The following BCL6 variants were observed in gnomAD, a reference collection of about 807,000 sequenced individuals.
The protein encoded by BCL6 is BCL6 transcription repressor, also known as B-cell lymphoma 6 protein.
BCL6 carries 7 observed loss-of-function variants against 59.5 expected under a neutral mutation model. The observed-to-expected ratio is 0.12, with a 90% confidence interval of 0.07 to 0.22. BCL6 has a LOEUF of 0.22. BCL6 is among the 10% of genes least tolerant of loss of function. The probability of loss-of-function intolerance (pLI) is 1.00; values close to 1 mark genes in which losing one functional copy is unlikely to be tolerated. For missense variants in BCL6, 685 were observed against 939.4 expected (o/e 0.73, Z 3.54); for synonymous variants, 339 against 349.7 (o/e 0.97, Z 0.34).
rs587778091 is a variant in BCL6 at position 187,729,500 on chromosome 3, T to C, written c.905A>G (p.Glu302Gly). The C allele has an allele frequency of 1.3e-5, 21 of 1,613,372 alleles. No homozygotes were observed. Among genetic ancestry groups the C allele is most frequent in the Non-Finnish European group, 1.7e-5 (20 of 1,179,804 alleles). Reference sequence around the variant, plus strand: ...ATCTTCCGAGGAGGGTCTCTCTTCTTCTTTGCTGGCCTTGTCACAAGGGAA... The same window carrying C: ...ATCTTCCGAGGAGGGTCTCTCTTCTCCTTTGCTGGCCTTGTCACAAGGGAA... The part of the protein sequence containing the change: ...PYFPCDKASK[E>G]EERPSSEDEI... The change falls in exon 5 of 10, where the codon GAA (glutamate) becomes GGA (glycine). Residue 302 changes from glutamate to glycine, a missense_variant. By Grantham distance (98) the Glu-to-Gly change is moderately conservative (BLOSUM62 -2). Transcript: ENST00000406870. The surrounding 1 kb of genome is among the most constrained non-coding windows in gnomAD (Gnocchi z 5.6).
chr3:187,722,317 C>CCCCCCCCA lies in BCL6; in HGVS notation c.*140_*141insTGGGGGGG. The CCCCCCCCA allele has an allele frequency of 2.2e-6, 1 of 448,192 alleles. No homozygotes were observed. The highest frequency in any genetic ancestry group is 2.1e-5 in the African/African-American group (1 of 48,308). 27.8% of individuals were successfully genotyped at this position (448,192 alleles called of 1,614,324 possible). A position where few individuals can be genotyped will look rare whatever the true frequency, so the allele number is the denominator to read the frequency against. ...CCAGTCCCCCAGGCCCCGACCCCCA[C>CCCCCCCCA]CACCCCCAACCCCCAGCTATGATTT... On this transcript the variant is annotated 3_prime_UTR_variant, in exon 10 of 10. Coordinates refer to ENST00000406870, the MANE Select transcript of BCL6 (RefSeq NM_001706.5).
chr3:187,744,605 T>C (rs537780410), intron 1 of BCL6, among the ~76,000 whole-genome samples: 3 of 152,114 alleles, frequency 2.0e-5, no homozygotes, highest in Non-Finnish European at 2.9e-5. Flanking sequence ...CCCAAAGAGT[T>C]CGCTTGCATT....
Position 187,739,379 on chromosome 3 carries a change from G to A in BCL6, c.-49-4472C>T, listed in dbSNP as rs184961314. On this transcript the variant is annotated intron_variant, in intron 1 of 9. Transcript: ENST00000406870. ...ACCGTGGTCCGGCGGCAGGGGGTGA[G>A]GTCAAATCGCGGAGCTGTTTTTATT... is the stretch of plus-strand genomic sequence containing the variant. 9.1e-4 allele frequency among the ~76,000 whole-genome samples: 139 copies of A among 152,332 alleles called. 2 individuals carry two copies. Among genetic ancestry groups the A allele is most frequent in the African/African-American group, 3.1e-3 (130 of 41,574 alleles).
Position 187,729,685 on chromosome 3 carries a change from ACCAGGGACTGG to A in BCL6, c.709_719del (p.Pro237Ter). The A allele has an allele frequency of 6.2e-7, 1 of 1,614,054 alleles. No homozygotes were observed. Among genetic ancestry groups the A allele is most frequent in the Non-Finnish European group, 8.5e-7 (1 of 1,179,986 alleles). On this transcript the variant is annotated frameshift_variant, in exon 5 of 10. Transcript: ENST00000406870. LOFTEE classifies it high-confidence loss of function. This position sits in a 1 kb window ranked among gnomAD's most constrained non-coding sequence, Gnocchi z 5.6. The stretch of plus-strand genomic sequence containing the variant: ...CCTCCAAAGTCGGCCGGCTGTACTC[ACCAGGGACTGG>A]CCTGGCACTATCACATGGGAGTGCC...
rs772163908 is a variant in BCL6 at position 187,725,670 on chromosome 3, T to C, written c.1709-41A>G. 7 of 1,612,768 alleles carry C rather than the reference T, an allele frequency of 4.3e-6. No homozygotes were observed. The highest frequency in any genetic ancestry group is 5.9e-6 in the Non-Finnish European group (7 of 1,179,236). ...AGGGAAAAAGAAAAGCCATATTCAA[T>C]AAGGAAGGTCTCTGCAGTCCGTGGC... On this transcript the variant is annotated intron_variant, in intron 7 of 9. Coordinates refer to ENST00000406870, the MANE Select transcript of BCL6 (RefSeq NM_001706.5). The surrounding 1 kb of genome is among the most constrained non-coding windows in gnomAD (Gnocchi z 4.7).
chr3:187,741,404 G>T (rs1711587392), intron 1 of BCL6, among the ~76,000 whole-genome samples: 1 of 152,134 alleles, frequency 6.6e-6, no homozygotes, highest in African/African-American at 2.4e-5. Flanking sequence ...AGCAAAGAAA[G>T]TCGGGAATAA....
chr3:187,744,782 G>C (rs923500936), intron 1 of BCL6, among the ~76,000 whole-genome samples: 7 of 151,166 alleles, frequency 4.6e-5, no homozygotes, highest in South Asian at 2.1e-4. Flanking sequence ...AAAAAGAGGA[G>C]GGAGGGAAGC....
rs1333843608 is a variant in BCL6, at chr3:187,729,877, C to T, written c.528G>A (p.Glu176=). The change falls in exon 5 of 10, where the codon GAG becomes GAA. Residue 176 remains glutamate, a synonymous_variant. Coordinates refer to ENST00000406870, the MANE Select transcript of BCL6 (RefSeq NM_001706.5). This position sits in a 1 kb window ranked among gnomAD's most constrained non-coding sequence, Gnocchi z 5.6. The stretch of plus-strand genomic sequence containing the variant: ...ACAGGCTGGGGGCAAAGGCTCTGCT[C>T]TCACACCCAGGGGCGCTCCTCAGTG... ...NLPLRSAPGC[E]SRAFAPSLYS... 6.2e-7 allele frequency: 1 copy of T among 1,614,144 alleles called. No homozygotes were observed.
intron 6 of BCL6, among the ~76,000 whole-genome samples, chr3:187,728,011 A>C (rs1051370183): frequency 9.2e-5 from 14 of 152,226 alleles, no homozygotes; most frequent in African/African-American, 2.9e-4. Flanking sequence ...GCAGAGAATA[A>C]CATGCACACA....
At chr3:187,722,719 C>G in intron 9 of BCL6, 118 bp from the exon 10 acceptor site, 2 of 1,304,368 alleles carry the variant, frequency 1.5e-6, no homozygotes, top group South Asian at 1.5e-5. Flanking sequence ...CTTGCCTCTC[C>G]AAGGCCAGGT....
intron 2 of BCL6, chr3:187,734,577 T>G (rs1719201325): frequency 6.6e-6 from 1 of 152,260 alleles, no homozygotes; most frequent in African/African-American, 2.4e-5. Context: ...TCTCTACTGT[T>G]AGGCTTTAGA....
intron 6 of BCL6, 89 bp downstream of exon 6, chr3:187,728,271 C>T (rs77754772): frequency 0.068 from 89,488 of 1,319,222 alleles, 3,220 homozygotes; most frequent in East Asian, 0.07. Context: ...CAATCAGAGA[C>T]AACAGCATAA....
intron 1 of BCL6, among the ~76,000 whole-genome samples, chr3:187,745,104 A>G (rs1230484678): frequency 6.6e-6 from 1 of 152,232 alleles, no homozygotes; most frequent in African/African-American, 2.4e-5. Context: ...AAACCGGCCG[A>G]TTCACTCAAA....
At chr3:187,744,554 C>G (rs933335199) in intron 1 of BCL6, among the ~76,000 whole-genome samples, 1 of 152,186 alleles carries the variant, frequency 6.6e-6, no homozygotes, top group African/African-American at 2.4e-5. Context: ...CACGATACTT[C>G]ATCTCATCTG....
rs1457084745 is a variant in BCL6 at position 187,729,542 on chromosome 3, G to A, written c.863C>T (p.Ala288Val). ...ACAAGGGAAGTAGGGGGCATTTCGG[G>A]CTGAGGGGGCAGCAGGTTTGAGGCC... ...AEGLKPAAPS[A>V]RNAPYFPCDK... Residue 288 changes from alanine to valine, a missense_variant, in exon 5 of 10, where the codon GCC (alanine) becomes GTC (valine). Around this residue, in one of 7 missense-constraint regions of BCL6, gnomAD observed 268 missense variants for 263.8 expected, o/e 1.02. Transcript: ENST00000406870. The surrounding 1 kb of genome is among the most constrained non-coding windows in gnomAD (Gnocchi z 5.6). The A allele has an allele frequency of 1.2e-6, 2 of 1,613,882 alleles. No homozygotes were observed.
At chr3:187,741,208 G>A (rs1181446622) in intron 1 of BCL6, among the ~76,000 whole-genome samples, 1 of 152,166 alleles carries the variant, frequency 6.6e-6, no homozygotes, top group African/African-American at 2.4e-5. Context: ...CGTTCCTCCC[G>A]ATGCTCCCGC....
chr3:187,737,389 GAGAGAGAA>G (rs1212730409), intron 1 of BCL6: 3 of 142,178 alleles, frequency 2.1e-5, no homozygotes, highest in Non-Finnish European at 3.1e-5. Flanking sequence ...GAGAGAGAGA[GAGAGAGAA>G]AATGAGAGAA....
Position 187,729,739 on chromosome 3 carries a change from G to A in BCL6, c.666C>T (p.Asn222=). The part of the protein sequence containing the change: ...EFRDVRMPVA[N]PFPKERALPC... ...GGAGTGCCCGCTCCTTGGGGAAGGG[G>A]TTGGCCACAGGCATCCGGACATCCC... is the stretch of plus-strand genomic sequence containing the variant. Residue 222 remains asparagine, a synonymous_variant, in exon 5 of 10, where the codon AAC becomes AAT. Coordinates refer to ENST00000406870, the MANE Select transcript of BCL6 (RefSeq NM_001706.5). The surrounding 1 kb of genome is among the most constrained non-coding windows in gnomAD (Gnocchi z 5.6). 2.5e-6 allele frequency: 4 copies of A among 1,614,196 alleles called. No individual in the cohort carries two copies. The highest frequency in any genetic ancestry group is 3.4e-6 in the Non-Finnish European group (4 of 1,180,030).
chr3:187,745,238 C>T (rs570850310), intron 1 of BCL6, among the ~76,000 whole-genome samples, 172 bp downstream of exon 1: 2 of 151,806 alleles, frequency 1.3e-5, no homozygotes, highest in Admixed American at 6.6e-5. Flanking sequence ...ACATTTATAT[C>T]AATAGATACA....
Sources: allele counts gnomAD v4.1 joint callset (sites outside exome capture counted in the v4.1 genomes callset), GRCh38; gene constraint gnomAD v4.1.1; regional missense constraint gnomAD v4.1.1; non-coding constraint Gnocchi (gnomAD v3.1); transcripts MANE v1.5; gene names NCBI Gene and HGNC (gene_info 2026-07-23, HGNC 2026-07-21).